The following KHDRBS2 variants were observed in gnomAD, a reference collection of about 807,000 sequenced individuals.
KHDRBS2 encodes KH RNA binding domain containing, signal transduction associated 2.
Under a neutral mutation model 44.3 loss-of-function variants are expected in KHDRBS2, and 26 were observed. The ratio of observed to expected loss-of-function variants is 0.59; its 90% CI spans 0.43 to 0.81. The LOEUF (loss-of-function observed/expected upper bound fraction) is 0.81. Ranked by LOEUF, KHDRBS2 falls within the 40% of genes least tolerant of loss-of-function variation. KHDRBS2 has a pLI of 0.00. For missense variants in KHDRBS2, 476 were observed against 433.1 expected (o/e 1.10, Z -0.88); for synonymous variants, 194 against 151.1 (o/e 1.28, Z -2.08).
intron 4 of KHDRBS2, among the ~76,000 whole-genome samples, chr6:61,951,408 A>G (rs1262592139): frequency 6.6e-6 from 1 of 152,096 alleles, no homozygotes; most frequent in African/African-American, 2.4e-5. Context: ...TTAAATTGAC[A>G]TTCAACAAGT....
chr6:62,017,763 G>C (rs1346674371), intron 3 of KHDRBS2, among the ~76,000 whole-genome samples: 1 of 152,040 alleles, frequency 6.6e-6, no homozygotes, highest in East Asian at 1.9e-4. Context: ...TAACAATTTA[G>C]ATTGTAATAT....
intron 1 of KHDRBS2, among the ~76,000 whole-genome samples, chr6:62,177,944 T>C (rs1821473641): frequency 6.6e-6 from 1 of 151,382 alleles, no homozygotes; most frequent in Admixed American, 6.6e-5. Context: ...GGAGCATACT[T>C]ATCCACTCCT....
At chr6:61,852,753 G>T (rs1795635393) in intron 6 of KHDRBS2, among the ~76,000 whole-genome samples, 1 of 151,908 alleles carries the variant, frequency 6.6e-6, no homozygotes, top group African/African-American at 2.4e-5. Flanking sequence ...CTATACAATG[G>T]CTTAGCAATT....
At chr6:61,939,145 A>G (rs1444629621) in intron 4 of KHDRBS2, among the ~76,000 whole-genome samples, 2 of 152,190 alleles carry the variant, frequency 1.3e-5, no homozygotes, top group African/African-American at 4.8e-5. Flanking sequence ...ATCTGGCCTG[A>G]AATGTTAATT....
At chr6:61,974,022 C>T (rs1194065555) in intron 4 of KHDRBS2, among the ~76,000 whole-genome samples, 1 of 152,172 alleles carries the variant, frequency 6.6e-6, no homozygotes, top group East Asian at 1.9e-4. Context: ...TATATAAACA[C>T]ACAATGAGCA....
the KHDRBS2 span, among the ~76,000 whole-genome samples, chr6:61,649,793 A>G: frequency 1.3e-5 from 2 of 152,092 alleles, no homozygotes; most frequent in Non-Finnish European, 2.9e-5. Flanking sequence ...GCTAAGCTAC[A>G]TATATCTCTT....
chr6:61,557,336 C>A, the KHDRBS2 span, among the ~76,000 whole-genome samples: 1 of 151,848 alleles, frequency 6.6e-6, no homozygotes, highest in Non-Finnish European at 1.5e-5. Context: ...TAAATAAAAA[C>A]AATAATGAAG....
chr6:62,094,586 T>G (rs1171933219), intron 2 of KHDRBS2, among the ~76,000 whole-genome samples: 1 of 151,808 alleles, frequency 6.6e-6, no homozygotes, highest in Non-Finnish European at 1.5e-5. Flanking sequence ...TTGTGTATAT[T>G]TTGTTGCTTT....
At chr6:61,772,528 T>C (rs778445652) in intron 6 of KHDRBS2, among the ~76,000 whole-genome samples, 7 of 152,128 alleles carry the variant, frequency 4.6e-5, no homozygotes, top group Non-Finnish European at 8.8e-5. Context: ...GAGAATACTA[T>C]AAACACTTAT....
At chr6:61,664,179 C>G in the KHDRBS2 span, among the ~76,000 whole-genome samples, 4 of 151,700 alleles carry the variant, frequency 2.6e-5, no homozygotes, top group African/African-American at 9.7e-5. Context: ...TTTAAAAGTA[C>G]AAGCAGATTA....
chr6:61,931,221 T>C (rs1417493294), intron 4 of KHDRBS2, among the ~76,000 whole-genome samples: 1 of 152,058 alleles, frequency 6.6e-6, no homozygotes, highest in Non-Finnish European at 1.5e-5. Flanking sequence ...ATTCCTTACA[T>C]ACTACATGAA....
the KHDRBS2 span, among the ~76,000 whole-genome samples, chr6:61,580,620 C>A: frequency 6.6e-6 from 1 of 152,038 alleles, no homozygotes; most frequent in African/African-American, 2.4e-5. Context: ...TCAGCGAGAC[C>A]ACGAACCCAC....
chr6:62,237,887 A>C (rs957521610), intron 1 of KHDRBS2, among the ~76,000 whole-genome samples: 8 of 152,098 alleles, frequency 5.3e-5, no homozygotes, highest in Non-Finnish European at 1.0e-4. Context: ...AAAGATAAAA[A>C]AATTAGCTGG....
At chr6:61,943,336 T>C (rs922512096) in intron 4 of KHDRBS2, among the ~76,000 whole-genome samples, 24 of 150,104 alleles carry the variant, frequency 1.6e-4, no homozygotes, top group Admixed American at 1.1e-3. Flanking sequence ...AACAGACAAA[T>C]ACCAAAGAGA....
At chr6:61,631,335 A>AAAAAAAAAAAAAAAAAAAAAAAAAAAAG in the KHDRBS2 span, among the ~76,000 whole-genome samples, 1 of 104,678 alleles carries the variant, frequency 9.6e-6, no homozygotes, top group Non-Finnish European at 2.0e-5. Flanking sequence ...AAAAAAAAAA[A>AAAAAAAAAAAAAAAAAAAAAAAAAAAAG]AAGACAATAC....
chr6:61,674,154 C>G, the KHDRBS2 span, among the ~76,000 whole-genome samples: 1 of 151,728 alleles, frequency 6.6e-6, no homozygotes, highest in African/African-American at 2.4e-5. Context: ...TGCTTTGTGG[C>G]AAGTGTGGAA....
the KHDRBS2 span, among the ~76,000 whole-genome samples, chr6:61,554,015 T>C: frequency 2.6e-5 from 4 of 152,196 alleles, no homozygotes; most frequent in Non-Finnish European, 5.9e-5. Flanking sequence ...GTCTCTTAGG[T>C]CTATTTTGTC....
In KHDRBS2 at chr6:61,929,124, G is replaced by C. The variant is rs1465917762; in HGVS notation, c.484-27753C>G. The stretch of plus-strand genomic sequence containing the variant: ...TACAATATCAATCTATGGGAAAGTT[G>C]AATATAATGTAGGTTTGCTCCTGTG... On this transcript the variant is annotated intron_variant, in intron 4 of 8. Coordinates refer to ENST00000281156, the MANE Select transcript of KHDRBS2 (RefSeq NM_152688.4). Among the ~76,000 whole-genome samples, 353 of 152,230 alleles carry C rather than the reference G, an allele frequency of 2.3e-3. 1 individual carries two copies. Among genetic ancestry groups the C allele is most frequent in the African/African-American group, 8.3e-3 (344 of 41,560 alleles).
At chr6:61,770,928 G>A (rs948745428) in intron 6 of KHDRBS2, among the ~76,000 whole-genome samples, 2 of 152,196 alleles carry the variant, frequency 1.3e-5, no homozygotes, top group African/African-American at 2.4e-5. Context: ...GTTAAGGGCA[G>A]CCAGAGAGAA....
Sources: allele counts gnomAD v4.1 joint callset (sites outside exome capture counted in the v4.1 genomes callset), GRCh38; gene constraint gnomAD v4.1.1; transcripts MANE v1.5; gene names NCBI Gene and HGNC (gene_info 2026-07-23, HGNC 2026-07-21).